The following MEGF11 variants were observed in gnomAD, a reference collection of about 807,000 sequenced individuals.
The protein encoded by MEGF11 is multiple EGF like domains 11.
Under a neutral mutation model 146.6 loss-of-function variants are expected in MEGF11, and 126 were observed. The ratio of observed to expected loss-of-function variants is 0.86; its 90% CI spans 0.74 to 1.00. The LOEUF (loss-of-function observed/expected upper bound fraction) is 1.00, where lower values mean the gene tolerates loss of function less well. Ranked by LOEUF, MEGF11 falls within the 50% of genes least tolerant of loss-of-function variation. The pLI is 0.00. For missense variants in MEGF11, 1,509 were observed against 1,521.2 expected (o/e 0.99, Z 0.13); for synonymous variants, 532 against 583.4 (o/e 0.91, Z 1.27).
intron 10 of MEGF11, among the ~76,000 whole-genome samples, chr15:65,945,319 C>T (rs1218584867): frequency 6.6e-6 from 1 of 152,160 alleles, no homozygotes; most frequent in African/African-American, 2.4e-5. Context: ...ATGAAGGCAC[C>T]CAAGCCCAGG....
At chr15:66,108,687 G>T (rs1264581843) in intron 4 of MEGF11, among the ~76,000 whole-genome samples, 1 of 152,184 alleles carries the variant, frequency 6.6e-6, no homozygotes, top group Non-Finnish European at 1.5e-5. Context: ...TGTACAGGAG[G>T]AGCCAGGAGG....
At chr15:66,137,434 G>C (rs1234247716) in intron 1 of MEGF11, among the ~76,000 whole-genome samples, 1 of 152,236 alleles carries the variant, frequency 6.6e-6, no homozygotes, top group African/African-American at 2.4e-5. Context: ...TATATAAACT[G>C]TGTGTGCACG....
chr15:66,023,512 C>G (rs902323199), intron 5 of MEGF11, among the ~76,000 whole-genome samples: 2 of 152,224 alleles, frequency 1.3e-5, no homozygotes, highest in African/African-American at 4.8e-5. Context: ...CCAGGGAACA[C>G]AAGGCATCTG....
chr15:65,909,672 G>T, intron 22 of MEGF11, 68 bp downstream of exon 22: 1 of 1,431,284 alleles, frequency 7.0e-7, no homozygotes, highest in Non-Finnish European at 9.5e-7. Context: ...CAAGCTGGGT[G>T]CTTCTCAATA....
At chr15:66,042,653 A>G (rs2084036456) in intron 5 of MEGF11, among the ~76,000 whole-genome samples, 1 of 152,286 alleles carries the variant, frequency 6.6e-6, no homozygotes, top group Middle Eastern at 3.4e-3. Context: ...TGGCAGGGAC[A>G]CACTCCCCCT....
At chr15:66,047,739 G>C (rs1269647307) in intron 5 of MEGF11, among the ~76,000 whole-genome samples, 1 of 152,204 alleles carries the variant, frequency 6.6e-6, no homozygotes, top group Non-Finnish European at 1.5e-5. Context: ...AGTGGGCCTG[G>C]GGGAGTCTGG....
intron 10 of MEGF11, among the ~76,000 whole-genome samples, chr15:65,953,778 T>C (rs1278230998): frequency 2.6e-5 from 4 of 151,930 alleles, no homozygotes; most frequent in African/African-American, 9.7e-5. Context: ...AAGCAGGACC[T>C]GCTTCTGCCC....
chr15:66,136,273 A>T (rs1027406478), intron 1 of MEGF11, among the ~76,000 whole-genome samples: 3 of 152,082 alleles, frequency 2.0e-5, no homozygotes, highest in Non-Finnish European at 4.4e-5. Context: ...CGTGGTCGGG[A>T]TCCTTAGTTG....
chr15:66,218,827 C>T (rs1371430200), intron 1 of MEGF11, among the ~76,000 whole-genome samples: 1 of 151,980 alleles, frequency 6.6e-6, no homozygotes, highest in Admixed American at 6.6e-5. Flanking sequence ...TGACTTCAAA[C>T]CAGTCCCTCA....
intron 5 of MEGF11, among the ~76,000 whole-genome samples, chr15:65,992,371 T>A (rs758386502): frequency 6.8e-6 from 1 of 147,218 alleles, no homozygotes; most frequent in Non-Finnish European, 1.5e-5. Context: ...CACTGCACCA[T>A]TAGGACCCCG....
At chr15:65,922,800 C>T (rs11637615) in intron 14 of MEGF11, 23 bp downstream of exon 14, 134,047 of 1,612,314 alleles carry the variant, frequency 0.083, 6,406 homozygotes, top group Non-Finnish European at 0.097. Flanking sequence ...CTGAGCTCTT[C>T]GGGGTCAGGG....
At chr15:66,179,526 G>A (rs545150839) in intron 1 of MEGF11, among the ~76,000 whole-genome samples, 2 of 152,128 alleles carry the variant, frequency 1.3e-5, no homozygotes, top group Admixed American at 6.5e-5. Flanking sequence ...CAGGCTCTCC[G>A]CCTGTGAAGC....
chr15:66,208,863 G>A (rs903761156), intron 1 of MEGF11, among the ~76,000 whole-genome samples: 1 of 150,870 alleles, frequency 6.6e-6, no homozygotes, highest in African/African-American at 2.4e-5. Context: ...GGCAACAAGA[G>A]TGAAACTCCA....
At chr15:66,064,626 T>C (rs1448745950) in intron 5 of MEGF11, among the ~76,000 whole-genome samples, 2 of 151,948 alleles carry the variant, frequency 1.3e-5, no homozygotes, top group African/African-American at 4.8e-5. Flanking sequence ...CAAGCGATTT[T>C]CCTGCCTCAG....
intron 1 of MEGF11, among the ~76,000 whole-genome samples, chr15:66,160,666 C>CAA (rs1555477707): frequency 1.4e-5 from 2 of 138,814 alleles, no homozygotes; most frequent in Non-Finnish European, 3.1e-5. Context: ...CCTAAGGGGA[C>CAA]ACACACACAC....
At chr15:66,024,851 CCAGCT>C (rs1470259407) in intron 5 of MEGF11, among the ~76,000 whole-genome samples, 2 of 152,168 alleles carry the variant, frequency 1.3e-5, no homozygotes, top group East Asian at 3.9e-4. Flanking sequence ...TCAGCCCCTC[CCAGCT>C]CAGCTAAGAG....
intron 1 of MEGF11, among the ~76,000 whole-genome samples, chr15:66,184,252 A>G (rs538595816): frequency 3.9e-5 from 6 of 152,154 alleles, no homozygotes; most frequent in Admixed American, 2.6e-4. Context: ...AACTGAAAAC[A>G]AAAAAAGAAT....
chr15:65,956,195 C>A (rs1281222023), intron 10 of MEGF11, among the ~76,000 whole-genome samples: 1 of 152,090 alleles, frequency 6.6e-6, no homozygotes, highest in Non-Finnish European at 1.5e-5. Flanking sequence ...ACTGTGCAGC[C>A]CAAGTTGAGA....
intron 7 of MEGF11, among the ~76,000 whole-genome samples, chr15:65,975,879 A>T (rs72742844): frequency 0.11 from 16,707 of 152,134 alleles, 1,144 homozygotes; most frequent in Middle Eastern, 0.21. Context: ...TGAGAAGAGT[A>T]GAAGAGAACT....
Sources: gnomAD v4.1 joint callset for allele counts (sites outside exome capture counted in the v4.1 genomes callset) on GRCh38, gnomAD v4.1.1 for gene constraint, MANE v1.5 for transcripts, NCBI Gene and HGNC (gene_info 2026-07-23, HGNC 2026-07-21) for gene names.